Variants in ARHGAP6 observed in about 807,000 individuals in gnomAD.
The protein encoded by ARHGAP6 is rho GTPase-activating protein 6.
Under a neutral mutation model 55.7 loss-of-function variants are expected in ARHGAP6, and 16 were observed. That is an observed-to-expected ratio of 0.29 (90% CI 0.19 to 0.44). The LOEUF (loss-of-function observed/expected upper bound fraction) is 0.44. Ranked by LOEUF, ARHGAP6 falls within the 20% of genes least tolerant of loss-of-function variation. The pLI, the probability that ARHGAP6 is intolerant of heterozygous loss-of-function variation, is 1.00. For synonymous variants in ARHGAP6, 382 were observed against 360.9 expected (o/e 1.06, Z -0.66); for missense variants, 698 against 808.9 (o/e 0.86, Z 1.66).
At chrX:11,509,861 G>A (rs780570145) in intron 1 of ARHGAP6, among the ~76,000 whole-genome samples, 1 of 111,883 alleles carries the variant, frequency 8.9e-6, no homozygotes, top group South Asian at 3.7e-4. Context: ...AGTGACGTGG[G>A]TATAGCAATT....
intron 1 of ARHGAP6, among the ~76,000 whole-genome samples, chrX:11,629,701 G>A (rs908942036): frequency 9.0e-6 from 1 of 110,681 alleles, no homozygotes; most frequent in African/African-American, 3.3e-5. Flanking sequence ...GGAATAAGCC[G>A]CTCCCCAAGG....
intron 1 of ARHGAP6, among the ~76,000 whole-genome samples, chrX:11,652,014 C>G (rs1337047924): frequency 3.6e-5 from 4 of 111,848 alleles, no homozygotes; most frequent in African/African-American, 1.3e-4. Context: ...TGTTTAAGTT[C>G]CTTATAGATG....
chrX:11,167,032 A>G (rs754100320), intron 9 of ARHGAP6, among the ~76,000 whole-genome samples: 32 of 112,079 alleles, frequency 2.9e-4, no homozygotes, highest in Non-Finnish European at 5.8e-4. Flanking sequence ...TAATTTCTCC[A>G]TGCCCAAATC....
chrX:11,211,505 C>G (rs747072282), intron 2 of ARHGAP6, among the ~76,000 whole-genome samples: 2 of 110,614 alleles, frequency 1.8e-5, no homozygotes, highest in East Asian at 5.7e-4. Context: ...GCTGGGATTA[C>G]AGGCGTGGGC....
intron 1 of ARHGAP6, among the ~76,000 whole-genome samples, chrX:11,273,413 G>GC (rs1569280993): frequency 1.8e-4 from 18 of 97,323 alleles, no homozygotes; most frequent in African/African-American, 5.9e-4. Flanking sequence ...TATTTCATTT[G>GC]TAAAAAAAAA....
At chrX:11,246,620 AC>A (rs2047356506) in intron 2 of ARHGAP6, among the ~76,000 whole-genome samples, 1 of 112,214 alleles carries the variant, frequency 8.9e-6, no homozygotes, top group Non-Finnish European at 1.9e-5. Context: ...ATGGGAAGTC[AC>A]CATCCTTTGT....
intron 2 of ARHGAP6, among the ~76,000 whole-genome samples, chrX:11,249,463 T>C (rs979216901): frequency 9.0e-6 from 1 of 111,640 alleles, no homozygotes; most frequent in Non-Finnish European, 1.9e-5. Context: ...TGTTGCCAAA[T>C]TGCCTTGCAC....
intron 1 of ARHGAP6, among the ~76,000 whole-genome samples, chrX:11,492,488 A>G (rs1432079714): frequency 8.9e-6 from 1 of 111,840 alleles, no homozygotes. Flanking sequence ...CTACTGACCA[A>G]GTCCTATACG....
intron 1 of ARHGAP6, among the ~76,000 whole-genome samples, chrX:11,471,941 T>C: frequency 8.9e-6 from 1 of 112,042 alleles, no homozygotes; most frequent in Admixed American, 9.5e-5. Context: ...CATTCATTAA[T>C]CCATCAATTA....
chrX:11,359,186 T>C, intron 1 of ARHGAP6, among the ~76,000 whole-genome samples: 1 of 112,185 alleles, frequency 8.9e-6, no homozygotes. Context: ...TGAGAGCTGA[T>C]GGTATGAATC....
intron 1 of ARHGAP6, among the ~76,000 whole-genome samples, chrX:11,592,852 C>T (rs2051853657): frequency 1.8e-5 from 2 of 111,391 alleles, no homozygotes; most frequent in Non-Finnish European, 1.9e-5. Flanking sequence ...TTGGGAAAAG[C>T]AAGGTTTGAA....
In ARHGAP6 at chrX:11,565,633, G is replaced by A. The variant is rs968494768; in HGVS notation, c.588+98608C>T. ...CAGTAGGTATCTGAGACCATCAATG[G>A]TGCCTGCCTGCTGTTATTATCTTCC... On this transcript the variant is annotated intron_variant, in intron 1 of 12. Coordinates refer to ENST00000337414, the MANE Select transcript of ARHGAP6 (RefSeq NM_013427.3). Among the ~76,000 whole-genome samples, 7 of 112,504 alleles carry A rather than the reference G, an allele frequency of 6.2e-5. No homozygotes were observed. In the Admixed American group the frequency reaches 6.6e-4, roughly 11 times the overall value.
chrX:11,421,306 A>G (rs1490117482), intron 1 of ARHGAP6, among the ~76,000 whole-genome samples: 1 of 112,479 alleles, frequency 8.9e-6, no homozygotes, highest in Non-Finnish European at 1.9e-5. Context: ...TCTCAGCACT[A>G]TTGACATTTG....
intron 1 of ARHGAP6, among the ~76,000 whole-genome samples, chrX:11,530,979 C>T (rs1351434443): frequency 8.9e-6 from 1 of 112,001 alleles, no homozygotes; most frequent in African/African-American, 3.2e-5. Flanking sequence ...TGTTTGAAGG[C>T]AGAATCTGTG....
At chrX:11,476,836 G>A (rs2050407595) in intron 1 of ARHGAP6, among the ~76,000 whole-genome samples, 2 of 111,206 alleles carry the variant, frequency 1.8e-5, no homozygotes. Flanking sequence ...ATGAATCATA[G>A]ACCTAAATGT....
At chrX:11,398,437 G>C (rs933197910) in intron 1 of ARHGAP6, among the ~76,000 whole-genome samples, 4 of 110,705 alleles carry the variant, frequency 3.6e-5, no homozygotes, top group African/African-American at 1.3e-4. Flanking sequence ...AATCACAAAA[G>C]AATTTTTAAG....
At chrX:11,188,521 C>A (rs1464119042) in intron 4 of ARHGAP6, among the ~76,000 whole-genome samples, 2 of 112,150 alleles carry the variant, frequency 1.8e-5, no homozygotes, top group African/African-American at 6.5e-5. Flanking sequence ...AGGAGGGACA[C>A]CCAACAGCTT....
chrX:11,254,132 T>G lies in ARHGAP6; in HGVS notation c.748+416A>C, dbSNP rs1041683261. Among the ~76,000 whole-genome samples, 3 of 111,656 alleles carry G rather than the reference T, an allele frequency of 2.7e-5. No individual in the cohort carries two copies. In the South Asian group the frequency reaches 1.1e-3, roughly 42 times the overall value. On this transcript the variant is annotated intron_variant, in intron 2 of 12. Coordinates refer to ENST00000337414, the MANE Select transcript of ARHGAP6 (RefSeq NM_013427.3). Reference sequence around the variant, plus strand: ...GTTCGGTAAAATCCCTGATTCTGAGTTGGCATAGGGTCAAACGACAAGTTT... The same window carrying G: ...GTTCGGTAAAATCCCTGATTCTGAGGTGGCATAGGGTCAAACGACAAGTTT...
intron 2 of ARHGAP6, among the ~76,000 whole-genome samples, chrX:11,230,969 G>A (rs1248297741): frequency 9.2e-6 from 1 of 109,042 alleles, no homozygotes; most frequent in Admixed American, 9.8e-5. Flanking sequence ...ATTACTTCAG[G>A]GTTCACTCTT....
Sources: gnomAD v4.1 joint callset for allele counts (sites outside exome capture counted in the v4.1 genomes callset) on GRCh38, gnomAD v4.1.1 for gene constraint, MANE v1.5 for transcripts, NCBI Gene and HGNC (gene_info 2026-07-23, HGNC 2026-07-21) for gene names.